Variants in SGMS1 observed in about 807,000 individuals in gnomAD.
The protein encoded by SGMS1 is phosphatidylcholine:ceramide cholinephosphotransferase 1.
Under a neutral mutation model 46.2 loss-of-function variants are expected in SGMS1, and 13 were observed. The observed-to-expected ratio is 0.28, with a 90% CI of 0.18 to 0.45. The LOEUF (loss-of-function observed/expected upper bound fraction) is 0.45. SGMS1 is among the 20% of genes least tolerant of loss of function. The probability of loss-of-function intolerance (pLI) is 1.00; values close to 1 mark genes in which losing one functional copy is unlikely to be tolerated. For synonymous variants in SGMS1, 203 were observed against 187.8 expected, an observed-to-expected ratio of 1.08 and a Z score of -0.66; for missense variants, 324 against 519.9, an observed-to-expected ratio of 0.62 and a Z score of 3.66.
intron 2 of SGMS1, among the ~76,000 whole-genome samples, chr10:50,567,348 T>C (rs990489413): frequency 2.0e-5 from 3 of 152,208 alleles, no homozygotes; most frequent in Non-Finnish European, 4.4e-5. Flanking sequence ...GAACCACAGA[T>C]ATGAAGGGCT....
intron 3 of SGMS1, among the ~76,000 whole-genome samples, chr10:50,467,195 T>A (rs189982595): frequency 4.4e-4 from 67 of 152,214 alleles, no homozygotes; most frequent in African/African-American, 1.6e-3. Flanking sequence ...TCTGATGGTA[T>A]AACATGAGTT....
Position 50,311,380 on chromosome 10 carries a change from T to C in SGMS1, c.777A>G (p.Ile259Met), listed in dbSNP as rs774500121. 1 of 1,613,996 alleles carries C rather than the reference T, an allele frequency of 6.2e-7. No individual in the cohort carries two copies. The highest frequency in any genetic ancestry group is 8.5e-7 in the Non-Finnish European group (1 of 1,179,924). ...AGCCACCTCCAGCAATGAGCTTCAT[T>C]ATTCTTCGCAGTTGGGCTTCCCAGT... ...FGDWEAQLRR[I>M]MKLIAGGGLS... The change falls in exon 9 of 11, where the codon ATA becomes ATG. Residue 259 changes from isoleucine to methionine, a missense_variant. Physicochemically the swap from Ile to Met is conservative, Grantham distance 10 (BLOSUM62 1). Transcript: ENST00000361781.
chr10:50,430,101 C>T (rs973887089), intron 6 of SGMS1, among the ~76,000 whole-genome samples: 15 of 152,090 alleles, frequency 9.9e-5, no homozygotes, highest in African/African-American at 3.1e-4. Flanking sequence ...TTCCTTTCTG[C>T]TCAAACTGTT....
rs1024758550 is a variant in SGMS1 at position 50,579,012 on chromosome 10, A to G, written c.-589+11141T>C. On this transcript the variant is annotated intron_variant, in intron 2 of 10. Transcript: ENST00000361781. ...TAACATGAAAGACAGAAACAGAGGA[A>G]AAAAGCAACTTGAAGGAAATAAAAA... 5.9e-4 allele frequency among the ~76,000 whole-genome samples: 90 copies of G among 152,310 alleles called. 1 individual carries two copies. The highest frequency in any genetic ancestry group is 2.0e-3 in the African/African-American group (84 of 41,582).
At chr10:50,558,681 C>G (rs1838208757) in intron 2 of SGMS1, among the ~76,000 whole-genome samples, 1 of 152,146 alleles carries the variant, frequency 6.6e-6, no homozygotes, top group African/African-American at 2.4e-5. Flanking sequence ...TCTGCCAACC[C>G]TGAGACAGCA....
chr10:50,484,874 T>C (rs1041829110), intron 3 of SGMS1, among the ~76,000 whole-genome samples: 3 of 152,122 alleles, frequency 2.0e-5, no homozygotes, highest in African/African-American at 7.2e-5. Context: ...CTCAATAAAC[T>C]AGGTATTAAA....
chr10:50,515,572 G>A (rs540508157), intron 3 of SGMS1, among the ~76,000 whole-genome samples: 1 of 152,332 alleles, frequency 6.6e-6, no homozygotes, highest in African/African-American at 2.4e-5. Flanking sequence ...CCCTTTGCCT[G>A]AGCAGTGTGC....
intron 2 of SGMS1, among the ~76,000 whole-genome samples, chr10:50,584,419 A>AT: frequency 6.6e-6 from 1 of 151,274 alleles, no homozygotes; most frequent in Non-Finnish European, 1.5e-5. Flanking sequence ...GAATCACTTG[A>AT]ACCCGGGAGG....
At chr10:50,527,086 A>AAAAAG (rs1837910174) in intron 2 of SGMS1, among the ~76,000 whole-genome samples, 6 of 144,726 alleles carry the variant, frequency 4.1e-5, no homozygotes, top group African/African-American at 1.6e-4. Context: ...AAAAAAAAAA[A>AAAAAG]AAAGAAAGAA....
At chr10:50,346,851 C>T (rs772134990) in intron 6 of SGMS1, among the ~76,000 whole-genome samples, 3 of 151,362 alleles carry the variant, frequency 2.0e-5, no homozygotes, top group Admixed American at 1.3e-4. Context: ...AGGTGCATGC[C>T]ACTGTATCTG....
intron 1 of SGMS1, among the ~76,000 whole-genome samples, chr10:50,617,196 T>C (rs950809163): frequency 3.0e-4 from 45 of 152,246 alleles, no homozygotes; most frequent in African/African-American, 9.9e-4. Flanking sequence ...AATGTAAATG[T>C]ACTTGATGCC....
chr10:50,311,628 A>G (rs1217434566), intron 8 of SGMS1, among the ~76,000 whole-genome samples: 2 of 152,304 alleles, frequency 1.3e-5, no homozygotes, highest in African/African-American at 4.8e-5. Context: ...TGGCTTCAGG[A>G]CTTTTCACAG....
At chr10:50,511,864 T>C (rs1837758778) in intron 3 of SGMS1, among the ~76,000 whole-genome samples, 1 of 152,152 alleles carries the variant, frequency 6.6e-6, no homozygotes, top group Non-Finnish European at 1.5e-5. Flanking sequence ...AACCTGTACA[T>C]AATTTTGTCA....
intron 3 of SGMS1, among the ~76,000 whole-genome samples, chr10:50,501,727 T>C (rs1837663342): frequency 6.6e-6 from 1 of 152,304 alleles, no homozygotes; most frequent in Non-Finnish European, 1.5e-5. Context: ...TGTCCTATGT[T>C]TGGTGCCACA....
At chr10:50,518,617 C>G (rs527392108) in intron 3 of SGMS1, among the ~76,000 whole-genome samples, 32 of 152,196 alleles carry the variant, frequency 2.1e-4, no homozygotes, top group African/African-American at 6.7e-4. Flanking sequence ...AGTAAAGACA[C>G]CATGTTGGCC....
intron 3 of SGMS1, among the ~76,000 whole-genome samples, chr10:50,477,656 G>A (rs1178883097): frequency 1.3e-5 from 2 of 152,164 alleles, no homozygotes; most frequent in Non-Finnish European, 1.5e-5. Flanking sequence ...GTGGGGCCTG[G>A]TGGGAAGTGG....
At chr10:50,386,945 C>T (rs776075423) in intron 6 of SGMS1, among the ~76,000 whole-genome samples, 21 of 152,146 alleles carry the variant, frequency 1.4e-4, no homozygotes, top group Non-Finnish European at 2.6e-4. Flanking sequence ...TATCTATTGA[C>T]AGGTGAGGAA....
chr10:50,459,018 A>G (rs1450454171), intron 5 of SGMS1, among the ~76,000 whole-genome samples: 1 of 152,208 alleles, frequency 6.6e-6, no homozygotes, highest in African/African-American at 2.4e-5. Flanking sequence ...TAAAGAATTC[A>G]GGTTCTAAAA....
chr10:50,597,178 C>T (rs748394139), intron 1 of SGMS1, among the ~76,000 whole-genome samples: 5 of 152,088 alleles, frequency 3.3e-5, no homozygotes, highest in African/African-American at 4.8e-5. Flanking sequence ...TAACACATAT[C>T]GTAATGGGCA....
Sources: allele counts gnomAD v4.1 joint callset (sites outside exome capture counted in the v4.1 genomes callset), GRCh38; gene constraint gnomAD v4.1.1; transcripts MANE v1.5; gene names NCBI Gene and HGNC (gene_info 2026-07-23, HGNC 2026-07-21).